Variants in SPTBN4 observed in about 807,000 individuals in gnomAD.
The protein encoded by SPTBN4 is spectrin beta chain, non-erythrocytic 4.
SPTBN4 carries 96 observed loss-of-function variants against 277.8 expected under a neutral mutation model. The observed-to-expected ratio is 0.35, with a 90% CI of 0.29 to 0.41. SPTBN4 has a LOEUF of 0.41. Among genes scored for constraint, SPTBN4 ranks in the 10% least tolerant of loss-of-function variants. SPTBN4 has a pLI of 1.00. For missense variants in SPTBN4, 3,006 were observed against 3,595.7 expected (o/e 0.84, Z 4.19); for synonymous variants, 1,481 against 1,580.3 (o/e 0.94, Z 1.49).
intron 16 of SPTBN4, 57 bp downstream of exon 16, chr19:40,520,208 G>T: frequency 8.0e-7 from 1 of 1,255,304 alleles, no homozygotes; most frequent in African/African-American, 1.6e-5. Flanking sequence ...CGGGGGGATT[G>T]CAGGGACAGG....
chr19:40,565,487 C>T lies in SPTBN4; in HGVS notation c.5980C>T (p.Arg1994Trp), dbSNP rs758112648. 17 of 1,614,084 alleles carry T rather than the reference C, an allele frequency of 1.1e-5. No individual in the cohort carries two copies. The highest frequency in any genetic ancestry group is 8.3e-5 in the Admixed American group (5 of 60,006). ...GGGCCTGAAGACTGAGCTGGAGGCGCGGGTGCCTGAGCTGACCACCTGCCA... is the reference window on the plus strand; with the variant it reads ...GGGCCTGAAGACTGAGCTGGAGGCGTGGGTGCCTGAGCTGACCACCTGCCA... ...HQGLKTELEA[R>W]VPELTTCQEL... The change falls in exon 28 of 36, where the codon CGG becomes TGG. Residue 1994 changes from arginine (R) to tryptophan (W), a missense_variant. Arg to Trp is a moderately radical substitution (Grantham distance 101). This residue lies in a region of SPTBN4 where 425 missense variants were observed against 594.7 expected (regional missense o/e 0.71). Coordinates refer to ENST00000598249, the MANE Select transcript of SPTBN4 (RefSeq NM_020971.3).
Position 40,513,502 on chromosome 19 carries a change from C to T in SPTBN4, c.2713C>T (p.Leu905Phe). The T allele has an allele frequency of 6.3e-7, 1 of 1,598,542 alleles. No individual in the cohort carries two copies. Among genetic ancestry groups the T allele is most frequent in the Non-Finnish European group, 8.5e-7 (1 of 1,177,656 alleles). Residue 905 changes from leucine to phenylalanine, a missense_variant, in exon 14 of 36, where the codon CTC becomes TTC. Around this residue, in one of 5 missense-constraint regions of SPTBN4, gnomAD observed 1,759 missense variants for 2,061.5 expected, o/e 0.85. Transcript: ENST00000598249. ...LWIGEKEQWL[L>F]SMRVPDSLDD... ...GATCGGCGAGAAGGAGCAATGGCTGCTCTCCATGCGTGTGCCGGATTCACT... is the reference window on the plus strand; with the variant it reads ...GATCGGCGAGAAGGAGCAATGGCTGTTCTCCATGCGTGTGCCGGATTCACT...
intron 17 of SPTBN4, among the ~76,000 whole-genome samples, chr19:40,526,015 G>C (rs1167386536): frequency 6.6e-6 from 1 of 152,152 alleles, no homozygotes; most frequent in Non-Finnish European, 1.5e-5. Context: ...TCCGCCAAGG[G>C]GGCAGAGCCA....
rs1266194867 is a variant in SPTBN4, at chr19:40,554,126, C to T, written c.4675-21C>T. 21 of 1,425,282 alleles carry T rather than the reference C, an allele frequency of 1.5e-5. No homozygotes were observed. Among genetic ancestry groups the T allele is most frequent in the Admixed American group, 3.2e-5 (1 of 31,508 alleles). 88.3% of individuals were successfully genotyped at this position (1,425,282 alleles called of 1,614,324 possible). On this transcript the variant is annotated intron_variant, in intron 22 of 35. Transcript: ENST00000598249. The surrounding 1 kb of genome is among the most constrained non-coding windows in gnomAD (Gnocchi z 5.7). Reference sequence around the variant, plus strand: ...CGGAACGCCCCCTCTCCACCCACATCCCCTTACCTCCTGCCCCCAGGGCCT... The same window carrying T: ...CGGAACGCCCCCTCTCCACCCACATTCCCTTACCTCCTGCCCCCAGGGCCT...
At chr19:40,498,595 C>T (rs548306259) in intron 7 of SPTBN4, among the ~76,000 whole-genome samples, 14 of 150,884 alleles carry the variant, frequency 9.3e-5, no homozygotes, top group Admixed American at 4.6e-4. Context: ...TTAGTAGAGA[C>T]GGGGTTTCAC....
intron 22 of SPTBN4, among the ~76,000 whole-genome samples, chr19:40,552,785 G>A (rs1186997356): frequency 6.6e-6 from 1 of 152,164 alleles, no homozygotes; most frequent in African/African-American, 2.4e-5. Flanking sequence ...GACAGAACTG[G>A]CTTATCGTTG....
At chr19:40,526,625 C>T (rs1166171296) in intron 17 of SPTBN4, among the ~76,000 whole-genome samples, 1 of 152,068 alleles carries the variant, frequency 6.6e-6, no homozygotes, top group East Asian at 1.9e-4. Context: ...TGCTTTGTTG[C>T]CCAGGCTGGA....
chr19:40,573,078 G>A (rs1179676359), intron 35 of SPTBN4, among the ~76,000 whole-genome samples: 1 of 152,218 alleles, frequency 6.6e-6, no homozygotes. Flanking sequence ...GGAGGCCAAG[G>A]CAGGAGACTG....
At chr19:40,555,208 T>G (rs1034305617) in intron 24 of SPTBN4, 2 of 152,308 alleles carry the variant, frequency 1.3e-5, no homozygotes, top group Non-Finnish European at 2.9e-5. Flanking sequence ...CCACCGAGGT[T>G]CCTGGATAGG....
At chr19:40,528,937 A>G (rs1175420596) in intron 17 of SPTBN4, 104 bp from the exon 18 acceptor site, 10 of 807,678 alleles carry the variant, frequency 1.2e-5, no homozygotes, top group Non-Finnish European at 2.1e-5. Context: ...CATATTTTCC[A>G]CGCCCTTCTT....
chr19:40,492,971 C>T lies in SPTBN4; in HGVS notation c.504C>T (p.Val168=), dbSNP rs372261283. ...TTTTTGTATCTTCACAGATTCAAGT[C>T]ATCAAAATTGAGACTGAGGACAACA... is the stretch of plus-strand genomic sequence containing the variant. ...WTIILRFQIQ[V]IKIETEDNRE... The change falls in exon 5 of 36, where the codon GTC becomes GTT. Residue 168 remains valine (V), a synonymous_variant. Transcript: ENST00000598249. The T allele has an allele frequency of 6.2e-7, 1 of 1,613,992 alleles. No individual in the cohort carries two copies. The highest frequency in any genetic ancestry group is 8.5e-7 in the Non-Finnish European group (1 of 1,179,944).
Position 40,575,449 on chromosome 19 carries a change from G to C in SPTBN4, c.7575G>C (p.Ser2525=). The change falls in exon 36 of 36, where the codon TCG becomes TCC. Residue 2525 remains serine, a synonymous_variant. Coordinates refer to ENST00000598249, the MANE Select transcript of SPTBN4 (RefSeq NM_020971.3). The stretch of plus-strand genomic sequence containing the variant: ...GCTGGCTGGAGGCTGTAGCTTCCTC[G>C]GTGGCGGAACACGCAGAGATCGCCC... The part of the protein sequence containing the change: ...MNGWLEAVAS[S]VAEHAEIARW... 1 of 1,613,270 alleles carries C rather than the reference G, an allele frequency of 6.2e-7. No individual in the cohort carries two copies. The highest frequency in any genetic ancestry group is 1.1e-5 in the South Asian group (1 of 90,984).
chr19:40,485,988 A>C (rs1389126188), intron 2 of SPTBN4, among the ~76,000 whole-genome samples: 1 of 151,800 alleles, frequency 6.6e-6, no homozygotes, highest in Non-Finnish European at 1.5e-5. Context: ...TAAAAAAAAA[A>C]AAAAACAGTA....
chr19:40,560,921 GAT>G lies in SPTBN4; in HGVS notation c.5915+520_5915+521del, dbSNP rs138513811. 0.14 allele frequency among the ~76,000 whole-genome samples: 21,828 copies of G among 152,128 alleles called. 1,617 individuals carry two copies. The highest frequency in any genetic ancestry group is 0.16 in the Non-Finnish European group (11,051 of 67,982). ...CTGCATCCCGCTGCAGATGGGAAAA[GAT>G]AGCAGGAGGATCACACAGAAGGTTT... On this transcript the variant is annotated intron_variant, in intron 27 of 35. Transcript: ENST00000598249. The surrounding 1 kb of genome is among the most constrained non-coding windows in gnomAD (Gnocchi z 5.2).
In SPTBN4 at chr19:40,534,348, G is replaced by A. The variant is rs747515396; in HGVS notation, c.4359+5G>A. 4.3e-6 allele frequency: 7 copies of A among 1,612,032 alleles called. No homozygotes were observed. In the East Asian group the frequency reaches 1.3e-4, roughly 31 times the overall value. On this transcript the variant is annotated splice_donor_5th_base_variant and intron_variant, in intron 20 of 35. Coordinates refer to ENST00000598249, the MANE Select transcript of SPTBN4 (RefSeq NM_020971.3). ...AGTCAGCTCAAGAAGCTGCAGGTAT[G>A]GTCTTCCTGGCCCAGATGAGGGCTC...
At position 40,482,817 on chromosome 19, in the gene SPTBN4, C is replaced by T. The variant is rs138098245; in HGVS notation, c.170-4880C>T. Among the ~76,000 whole-genome samples the T allele has an allele frequency of 7.3e-3, 1,111 of 151,686 alleles. 10 individuals are homozygous for T. The highest frequency in any genetic ancestry group is 0.025 in the African/African-American group (1,042 of 41,324). On this transcript the variant is annotated intron_variant, in intron 2 of 35. Coordinates refer to ENST00000598249, the MANE Select transcript of SPTBN4 (RefSeq NM_020971.3). ...TCTCTACAAAATATACAAAATTAGC[C>T]GGGCCTCGTGGCGCATGCCTGTAAT...
At position 40,523,404 on chromosome 19, in the gene SPTBN4, G is replaced by C. The variant is rs142835457; in HGVS notation, c.3655-33G>C. ...CTCCCAGGTCCTGGAATGGAATGAG[G>C]CTGACCTTTGCACCACGCTCCCTCC... On this transcript the variant is annotated intron_variant, in intron 16 of 35. Coordinates refer to ENST00000598249, the MANE Select transcript of SPTBN4 (RefSeq NM_020971.3). 1.1e-3 allele frequency: 1,753 copies of C among 1,558,876 alleles called. 17 individuals are homozygous for C. In the African/African-American group the frequency reaches 0.021, roughly 19 times the overall value.
intron 15 of SPTBN4, among the ~76,000 whole-genome samples, chr19:40,516,918 C>A (rs573273840): frequency 6.6e-6 from 1 of 152,218 alleles, no homozygotes; most frequent in Non-Finnish European, 1.5e-5. Flanking sequence ...TAAGCTACTG[C>A]TCCTAGCCCA....
At chr19:40,553,204 G>T (rs1204611633) in intron 22 of SPTBN4, among the ~76,000 whole-genome samples, 3 of 152,232 alleles carry the variant, frequency 2.0e-5, no homozygotes, top group African/African-American at 7.2e-5. Context: ...GGCTGGCCGG[G>T]CACAGTGGCT....
Sources: gnomAD v4.1 joint callset for allele counts (sites outside exome capture counted in the v4.1 genomes callset) on GRCh38, gnomAD v4.1.1 for gene constraint, gnomAD v4.1.1 regional missense constraint, Gnocchi (gnomAD v3.1) non-coding constraint, MANE v1.5 for transcripts, NCBI Gene and HGNC (gene_info 2026-07-23, HGNC 2026-07-21) for gene names.